MRPL33: variants seen among roughly 807,000 people sequenced by gnomAD.
MRPL33 encodes mitochondrial ribosomal protein L33, also known as large ribosomal subunit protein bL33m.
MRPL33 carries 5 observed loss-of-function variants against 10.1 expected under a neutral mutation model. The observed-to-expected ratio is 0.49, with a 90% CI of 0.26 to 1.04. The LOEUF (loss-of-function observed/expected upper bound fraction) is 1.04. Ranked by LOEUF, MRPL33 falls within the 50% of genes least tolerant of loss-of-function variation. The pLI is 0.14. For synonymous variants in MRPL33, 24 were observed against 27.7 expected, an observed-to-expected ratio of 0.87 and a Z score of 0.42; for missense variants, 79 against 78.1, an observed-to-expected ratio of 1.01 and a Z score of -0.04.
intron 1 of MRPL33, chr2:27,772,226 A>C: frequency 4.0e-6 from 1 of 250,132 alleles, no homozygotes; most frequent in Non-Finnish European, 7.7e-6. Context: ...CTCCCGAGTC[A>C]GTGCTCTTCT....
chr2:27,773,158 A>G (rs1677085399), intron 2 of MRPL33, among the ~76,000 whole-genome samples: 1 of 152,244 alleles, frequency 6.6e-6, no homozygotes, highest in African/African-American at 2.4e-5. Flanking sequence ...GCATTTCAAA[A>G]ATAGCCAAGA....
intron 3 of MRPL33, 113 bp from the exon 4 acceptor site, chr2:27,779,320 G>C: frequency 1.6e-6 from 2 of 1,274,722 alleles, no homozygotes; most frequent in South Asian, 1.6e-5. Context: ...TTCATATCAA[G>C]GAATAGTAAA....
chr2:27,779,532 G>A lies in MRPL33; in HGVS notation c.*50G>A. On this transcript the variant is annotated 3_prime_UTR_variant, in exon 4 of 4. Transcript: ENST00000296102. ...TTTATAAAGAGAAGACTGAGGGCGG[G>A]GATACTGATTCAGAAATCCTGTAGC... The A allele has an allele frequency of 1.2e-6, 2 of 1,611,766 alleles. No homozygotes were observed. Among genetic ancestry groups the A allele is most frequent in the Non-Finnish European group, 1.7e-6 (2 of 1,179,324 alleles).
At chr2:27,771,920 C>T in intron 1 of MRPL33, 121 bp downstream of exon 1, 3 of 1,055,930 alleles carry the variant, frequency 2.8e-6, no homozygotes, top group Non-Finnish European at 4.1e-6. Flanking sequence ...CAGCTGCGTA[C>T]TTTTCCAGGC....
chr2:27,772,835 A>T, intron 2 of MRPL33, 143 bp downstream of exon 2: 1 of 636,854 alleles, frequency 1.6e-6, no homozygotes, highest in Non-Finnish European at 2.7e-6. Context: ...TTAGTTGATT[A>T]TTTTTTCTTT....
chr2:27,772,899 G>C, intron 2 of MRPL33: 1 of 526,788 alleles, frequency 1.9e-6, no homozygotes, highest in Non-Finnish European at 3.3e-6. Context: ...ACTTCTGTGA[G>C]CATTGAAATA....
At position 27,771,768 on chromosome 2, in the gene MRPL33, T is replaced by G; in HGVS notation, c.-10T>G. The G allele has an allele frequency of 6.2e-7, 1 of 1,614,108 alleles. No homozygotes were observed. Among genetic ancestry groups the G allele is most frequent in the Non-Finnish European group, 8.5e-7 (1 of 1,179,990 alleles). On this transcript the variant is annotated 5_prime_UTR_variant, in exon 1 of 4. Coordinates refer to ENST00000296102, the MANE Select transcript of MRPL33 (RefSeq NM_004891.4). ...TGGCCGGTGACGGAGACTGCCCAGG[T>G]GTGGTCACCATGTTCCTCTCCGCGG...
chr2:27,776,163 G>C lies in MRPL33; in HGVS notation c.148+1633G>C, dbSNP rs146073133. Among the ~76,000 whole-genome samples the C allele has an allele frequency of 2.2e-3, 341 of 152,364 alleles. 4 individuals carry two copies. The highest frequency in any genetic ancestry group is 7.8e-3 in the African/African-American group (325 of 41,588). On this transcript the variant is annotated intron_variant, in intron 3 of 3. Coordinates refer to ENST00000296102, the MANE Select transcript of MRPL33 (RefSeq NM_004891.4). Reference sequence around the variant, plus strand: ...GATCATAGTTCAAAGTGGGAGAAAAGATTCACGTATAAATTTCAAACAGAC... The same window carrying C: ...GATCATAGTTCAAAGTGGGAGAAAACATTCACGTATAAATTTCAAACAGAC...
At chr2:27,779,327 T>C (rs2148175913) in intron 3 of MRPL33, 106 bp from the exon 4 acceptor site, 4 of 1,318,110 alleles carry the variant, frequency 3.0e-6, no homozygotes, top group East Asian at 5.0e-5. Flanking sequence ...CAAGGAATAG[T>C]AAAATAAGAG....
chr2:27,776,667 A>G (rs1261195670), intron 3 of MRPL33, among the ~76,000 whole-genome samples: 1 of 152,280 alleles, frequency 6.6e-6, no homozygotes, highest in Non-Finnish European at 1.5e-5. Context: ...CATAAAGAGA[A>G]TGAAAACTTG....
chr2:27,774,899 TGAA>T (rs1482240923), intron 3 of MRPL33, among the ~76,000 whole-genome samples: 1 of 151,990 alleles, frequency 6.6e-6, no homozygotes, highest in East Asian at 1.9e-4. Context: ...AACCGAGACC[TGAA>T]GGTGAGAAAC....
At chr2:27,779,399 T>G in intron 3 of MRPL33, 34 bp from the exon 4 acceptor site, 2 of 1,581,486 alleles carry the variant, frequency 1.3e-6, no homozygotes, top group Non-Finnish European at 1.7e-6. Flanking sequence ...TACTTAATAA[T>G]TTTCTGCCAC....
chr2:27,778,751 T>A (rs1202259074), intron 3 of MRPL33, among the ~76,000 whole-genome samples: 1 of 152,028 alleles, frequency 6.6e-6, no homozygotes, highest in Non-Finnish European at 1.5e-5. Flanking sequence ...ATGGGGTTTC[T>A]CCATGTTAGC....
intron 3 of MRPL33, among the ~76,000 whole-genome samples, chr2:27,778,630 C>G (rs1677219029): frequency 6.6e-6 from 1 of 151,980 alleles, no homozygotes; most frequent in Non-Finnish European, 1.5e-5. Flanking sequence ...TCTCGGCTCA[C>G]TGCAACCTCT....
At chr2:27,772,564 A>G (rs1677074605) in intron 1 of MRPL33, 110 bp from the exon 2 acceptor site, 2 of 826,910 alleles carry the variant, frequency 2.4e-6, no homozygotes, top group Middle Eastern at 3.5e-4. Context: ...GGCATATTTC[A>G]TAAGTTAAAT....
At chr2:27,774,724 C>A (rs1412802495) in intron 3 of MRPL33, among the ~76,000 whole-genome samples, 194 bp downstream of exon 3, 1 of 152,194 alleles carries the variant, frequency 6.6e-6, no homozygotes, top group Non-Finnish European at 1.5e-5. Context: ...AGTCCCTGTA[C>A]TCTTGGCACT....
In MRPL33 at chr2:27,771,925, C is replaced by T. The variant is rs981685159; in HGVS notation, c.22+126C>T. 1.7e-5 allele frequency: 18 copies of T among 1,034,104 alleles called. No homozygotes were observed. The South Asian group carries it at 2.8e-4, about 16-fold the overall frequency. 64.1% of individuals were successfully genotyped at this position (1,034,104 alleles called of 1,614,324 possible). On this transcript the variant is annotated intron_variant, in intron 1 of 3. Transcript: ENST00000296102. Reference sequence around the variant, plus strand: ...CGGGAAGCTGCAGCTGCGTACTTTTCCAGGCCTTCAGGACCACAGCGTCCG... The same window carrying T: ...CGGGAAGCTGCAGCTGCGTACTTTTTCAGGCCTTCAGGACCACAGCGTCCG...
chr2:27,774,913 C>T (rs1421087749), intron 3 of MRPL33, among the ~76,000 whole-genome samples: 1 of 152,104 alleles, frequency 6.6e-6, no homozygotes, highest in East Asian at 1.9e-4. Flanking sequence ...GGTGAGAAAC[C>T]AGCTATGTAA....
At chr2:27,771,983 C>A in intron 1 of MRPL33, 184 bp downstream of exon 1, 1 of 626,912 alleles carries the variant, frequency 1.6e-6, no homozygotes, top group African/African-American at 1.9e-5. Flanking sequence ...CTGCGCGGAC[C>A]TGTGGGTGCC....
Sources: allele counts gnomAD v4.1 joint callset (sites outside exome capture counted in the v4.1 genomes callset), GRCh38; gene constraint gnomAD v4.1.1; transcripts MANE v1.5; gene names NCBI Gene and HGNC (gene_info 2026-07-23, HGNC 2026-07-21).